The following SLC9A7 variants were observed in gnomAD, a reference collection of about 807,000 sequenced individuals.
SLC9A7 encodes solute carrier family 9 member A7.
A neutral mutation model predicts 52.6 loss-of-function variants in SLC9A7; 19 were observed. That is an observed-to-expected ratio of 0.36 (90% confidence interval 0.25 to 0.53). SLC9A7 has a LOEUF of 0.53. Ranked by LOEUF, SLC9A7 falls within the 20% of genes least tolerant of loss-of-function variation. The pLI is 0.91. For synonymous variants in SLC9A7, 226 were observed against 252.1 expected (o/e 0.90, Z 0.98); for missense variants, 455 against 597.9 (o/e 0.76, Z 2.49).
intron 1 of SLC9A7, among the ~76,000 whole-genome samples, chrX:46,702,649 G>A (rs1194370994): frequency 8.9e-6 from 1 of 112,167 alleles, no homozygotes; most frequent in African/African-American, 3.2e-5. Context: ...ATTCCCTGGG[G>A]TATATGTGCC....
chrX:46,624,346 C>T (rs758512055), intron 14 of SLC9A7, among the ~76,000 whole-genome samples: 7 of 111,924 alleles, frequency 6.3e-5, no homozygotes, highest in African/African-American at 1.6e-4. Flanking sequence ...TGGGATCTGA[C>T]GCTAACTCCA....
intron 14 of SLC9A7, 135 bp from the exon 15 acceptor site, chrX:46,621,194 G>C: frequency 2.6e-6 from 1 of 387,247 alleles, no homozygotes; most frequent in South Asian, 6.4e-5. Flanking sequence ...AAGTTTCAAA[G>C]ATATATTGGG....
intron 1 of SLC9A7, among the ~76,000 whole-genome samples, chrX:46,689,686 G>A (rs1211817344): frequency 9.3e-6 from 1 of 107,676 alleles, no homozygotes; most frequent in Non-Finnish European, 1.9e-5. Flanking sequence ...ATGTGCCATG[G>A]TGGCTTGCTG....
chrX:46,719,681 C>CA (rs1157812819), intron 1 of SLC9A7, among the ~76,000 whole-genome samples: 1 of 111,109 alleles, frequency 9.0e-6, no homozygotes, highest in Non-Finnish European at 1.9e-5. Flanking sequence ...TTTGATAACT[C>CA]AAAAAAATAT....
chrX:46,669,167 CAAAA>C (rs35516404), intron 5 of SLC9A7, among the ~76,000 whole-genome samples: 3 of 74,429 alleles, frequency 4.0e-5, no homozygotes, highest in Non-Finnish European at 2.6e-5. Context: ...GACTCTGTCT[CAAAA>C]AAAAAAAAAA....
chrX:46,656,333 A>C (rs1270018574), intron 7 of SLC9A7, among the ~76,000 whole-genome samples: 1 of 112,427 alleles, frequency 8.9e-6, no homozygotes, highest in Admixed American at 9.4e-5. Context: ...CTCCAAAGGA[A>C]CGCAGCTCCT....
chrX:46,748,315 C>T (rs78078893), intron 1 of SLC9A7, among the ~76,000 whole-genome samples: 4 of 98,528 alleles, frequency 4.1e-5, no homozygotes, highest in Admixed American at 1.2e-4. Context: ...CATTGCACTC[C>T]GGCCTGGGCA....
chrX:46,686,733 T>C (rs1944301258), intron 1 of SLC9A7, among the ~76,000 whole-genome samples: 1 of 111,996 alleles, frequency 8.9e-6, no homozygotes, highest in Non-Finnish European at 1.9e-5. Context: ...AATAACCTAC[T>C]GTGTGTTTGG....
At chrX:46,618,287 C>T (rs768008659) in intron 15 of SLC9A7, among the ~76,000 whole-genome samples, 36 of 111,920 alleles carry the variant, frequency 3.2e-4, no homozygotes, top group Non-Finnish European at 6.0e-4. Flanking sequence ...CTCACAGGAA[C>T]TAGGGCCCAG....
chrX:46,723,369 C>T (rs976974339), intron 1 of SLC9A7, among the ~76,000 whole-genome samples: 3 of 106,386 alleles, frequency 2.8e-5, no homozygotes, highest in African/African-American at 6.9e-5. Flanking sequence ...GCAAAAACAC[C>T]ACCACAAAGC....
chrX:46,738,332 C>CT (rs1042788292), intron 1 of SLC9A7, among the ~76,000 whole-genome samples: 1 of 112,396 alleles, frequency 8.9e-6, no homozygotes, highest in African/African-American at 3.2e-5. Flanking sequence ...CCTTGTGTCA[C>CT]TGGCCAGACC....
intron 1 of SLC9A7, among the ~76,000 whole-genome samples, chrX:46,748,210 G>A (rs1162847140): frequency 9.1e-6 from 1 of 110,270 alleles, no homozygotes; most frequent in Admixed American, 9.7e-5. Context: ...GCTGGGCGTG[G>A]TGGCACATGC....
Position 46,671,750 on chromosome X carries a change from T to C in SLC9A7, c.680+801A>G, listed in dbSNP as rs143412347. On this transcript the variant is annotated intron_variant, in intron 4 of 16. Coordinates refer to ENST00000616978, the MANE Select transcript of SLC9A7 (RefSeq NM_001257291.2). ...TTCTCATCACAAATATCAAGGTACA[T>C]ACTATCAACGTGACTTACCACTGCT... is the stretch of plus-strand genomic sequence containing the variant. Among the ~76,000 whole-genome samples the C allele has an allele frequency of 1.4e-4, 16 of 112,318 alleles. No homozygotes were observed. In the East Asian group the frequency reaches 2.5e-3, roughly 18 times the overall value.
chrX:46,646,772 C>T, intron 11 of SLC9A7: 1 of 322,514 alleles, frequency 3.1e-6, no homozygotes. Context: ...CTTGACAATG[C>T]CGGGGAAGCT....
intron 16 of SLC9A7, among the ~76,000 whole-genome samples, chrX:46,610,152 G>A (rs1409795945): frequency 8.9e-6 from 1 of 112,617 alleles, no homozygotes; most frequent in Admixed American, 9.4e-5. Flanking sequence ...GTTTTGTTAC[G>A]CTGAAGGTCT....
chrX:46,749,189 T>C (rs774399531), intron 1 of SLC9A7, among the ~76,000 whole-genome samples: 2 of 111,875 alleles, frequency 1.8e-5, no homozygotes, highest in African/African-American at 6.5e-5. Flanking sequence ...GGGAAGAACT[T>C]GAAGGAAGGA....
At position 46,635,176 on chromosome X, in the gene SLC9A7, A is replaced by G. The variant is rs1342189839; in HGVS notation, c.1676+413T>C. ...ACTAAGATGGTGTAAGCCTTACCCC[A>G]GTCATGGTTGAAATATGAAAATTCT... is the stretch of plus-strand genomic sequence containing the variant. On this transcript the variant is annotated intron_variant, in intron 13 of 16. Coordinates refer to ENST00000616978, the MANE Select transcript of SLC9A7 (RefSeq NM_001257291.2). Among the ~76,000 whole-genome samples the G allele has an allele frequency of 7.1e-5, 8 of 112,243 alleles. No individual in the cohort carries two copies. In the East Asian group the frequency reaches 1.4e-3, roughly 20 times the overall value.
intron 16 of SLC9A7, 90 bp from the exon 17 acceptor site, chrX:46,607,293 A>C: frequency 9.9e-7 from 1 of 1,011,069 alleles, no homozygotes; most frequent in Non-Finnish European, 1.3e-6. Flanking sequence ...CCAACTCCTC[A>C]TCTGAAAACT....
chrX:46,758,697 G>T lies in SLC9A7; in HGVS notation c.325+8C>A. 1.8e-6 allele frequency: 2 copies of T among 1,133,626 alleles called. No homozygotes were observed. The highest frequency in any genetic ancestry group is 2.4e-6 in the Non-Finnish European group (2 of 849,752). The allele number at this position is 1,133,626 out of a possible 1,213,427, so 93.4% of individuals were successfully genotyped here. On this transcript the variant is annotated splice_region_variant and intron_variant, in intron 1 of 16. Transcript: ENST00000616978. ...GTGGAGGGCGGGGGGTGTAACAGGG[G>T]TGCTCACCATAGATCATGGCCAGCC...
Sources: allele counts gnomAD v4.1 joint callset (sites outside exome capture counted in the v4.1 genomes callset), GRCh38; gene constraint gnomAD v4.1.1; transcripts MANE v1.5; gene names NCBI Gene and HGNC (gene_info 2026-07-23, HGNC 2026-07-21).